Variants in NEGR1 observed in about 807,000 individuals in gnomAD.
NEGR1 encodes the protein IgLON family member 4.
In NEGR1, 10 loss-of-function variants were observed where a neutral mutation model predicts 40.9. The ratio of observed to expected loss-of-function variants is 0.24; its 90% confidence interval spans 0.15 to 0.42. The LOEUF is 0.42. Ranked by LOEUF, NEGR1 falls within the 10% of genes least tolerant of loss-of-function variation. NEGR1 has a pLI of 1.00. For synonymous variants in NEGR1, 185 were observed against 166.8 expected (o/e 1.11, Z -0.84); for missense variants, 352 against 438.9 (o/e 0.80, Z 1.77).
chr1:71,574,805 C>T (rs1316805053), intron 6 of NEGR1, among the ~76,000 whole-genome samples: 1 of 152,152 alleles, frequency 6.6e-6, no homozygotes, highest in Non-Finnish European at 1.5e-5. Context: ...TGCATATGTT[C>T]TGTGTATATA....
intron 5 of NEGR1, among the ~76,000 whole-genome samples, chr1:71,597,472 C>CTCTGTGTGTGTG (rs756076229): frequency 0.11 from 3,508 of 31,438 alleles, 605 homozygotes; most frequent in East Asian, 0.37. Context: ...CTCTCTCTCT[C>CTCTGTGTGTGTG]TGTGTGTGTG....
chr1:72,081,820 C>A (rs1313568766), intron 1 of NEGR1, among the ~76,000 whole-genome samples: 1 of 152,054 alleles, frequency 6.6e-6, no homozygotes, highest in Non-Finnish European at 1.5e-5. Context: ...TTCACTATAT[C>A]ACTGTTAGGT....
chr1:71,867,150 T>TTG (rs1417035638), intron 2 of NEGR1, among the ~76,000 whole-genome samples: 1 of 152,070 alleles, frequency 6.6e-6, no homozygotes, highest in Non-Finnish European at 1.5e-5. Flanking sequence ...GTCAGGAGTT[T>TTG]GAGACTTGAG....
chr1:71,813,475 CA>C (rs1658080017), intron 2 of NEGR1, among the ~76,000 whole-genome samples: 1 of 151,936 alleles, frequency 6.6e-6, no homozygotes. Context: ...TGAAGAATGT[CA>C]ATGGTAGTTT....
At chr1:72,005,707 T>C (rs1646600688) in intron 1 of NEGR1, among the ~76,000 whole-genome samples, 1 of 152,108 alleles carries the variant, frequency 6.6e-6, no homozygotes, top group Non-Finnish European at 1.5e-5. Flanking sequence ...ATTTAAATAG[T>C]AAGATCACCT....
chr1:71,568,803 TGTG>T (rs1407529797), intron 6 of NEGR1, among the ~76,000 whole-genome samples: 2 of 22,898 alleles, frequency 8.7e-5, no homozygotes, highest in East Asian at 3.8e-4. Context: ...TTTATATGTA[TGTG>T]TGTGTATGTG....
At chr1:71,628,915 T>C (rs955693062) in intron 4 of NEGR1, among the ~76,000 whole-genome samples, 1 of 152,146 alleles carries the variant, frequency 6.6e-6, no homozygotes, top group African/African-American at 2.4e-5. Flanking sequence ...TTTATAATCA[T>C]TTGGGTATAC....
chr1:71,531,992 T>G (rs116041446), intron 6 of NEGR1, among the ~76,000 whole-genome samples: 1 of 151,560 alleles, frequency 6.6e-6, no homozygotes, highest in Non-Finnish European at 1.5e-5. Flanking sequence ...GTGCCATTTC[T>G]GGAATGAGAG....
intron 4 of NEGR1, among the ~76,000 whole-genome samples, chr1:71,661,524 A>G (rs1046278649): frequency 4.6e-5 from 7 of 152,160 alleles, no homozygotes; most frequent in African/African-American, 7.2e-5. Flanking sequence ...ATGTAATAGA[A>G]ATTTTTACAA....
chr1:71,438,968 A>ATTTTTTTTTTTTTT (rs1646528430), intron 6 of NEGR1, among the ~76,000 whole-genome samples: 1 of 152,182 alleles, frequency 6.6e-6, no homozygotes, highest in African/African-American at 2.4e-5. Flanking sequence ...TGACTGAAGC[A>ATTTTTTTTTTTTTT]TATTCTTTTT....
rs563212067 is a variant in NEGR1, at chr1:71,686,087, G to A, written c.667+11921C>T. Among the ~76,000 whole-genome samples the A allele has an allele frequency of 2.6e-3, 397 of 152,088 alleles. 3 individuals are homozygous for A. Among genetic ancestry groups the A allele is most frequent in the Non-Finnish European group, 4.5e-3 (306 of 68,004 alleles). ...AAATTTGCAAACAGAAATTTGGTAG[G>A]CTATACTTCATATAGGAGGAAAGAA... On this transcript the variant is annotated intron_variant, in intron 4 of 6. Coordinates refer to ENST00000357731, the MANE Select transcript of NEGR1 (RefSeq NM_173808.3).
chr1:71,645,535 C>T (rs149528337), intron 4 of NEGR1, among the ~76,000 whole-genome samples: 1 of 151,184 alleles, frequency 6.6e-6, no homozygotes, highest in Non-Finnish European at 1.5e-5. Flanking sequence ...GAAAAAAAAT[C>T]TTCTCTCAAT....
intron 1 of NEGR1, among the ~76,000 whole-genome samples, chr1:71,946,446 C>T (rs561787885): frequency 5.9e-4 from 90 of 152,186 alleles, no homozygotes; most frequent in African/African-American, 2.1e-3. Context: ...ATCAATATTG[C>T]TATTTTAAAA....
At chr1:71,933,060 T>G (rs1264609152) in intron 2 of NEGR1, among the ~76,000 whole-genome samples, 2 of 152,062 alleles carry the variant, frequency 1.3e-5, no homozygotes, top group African/African-American at 4.8e-5. Flanking sequence ...AATCTTATAC[T>G]TTCAAAACAG....
intron 1 of NEGR1, among the ~76,000 whole-genome samples, chr1:72,228,728 G>A (rs1003146191): frequency 6.6e-6 from 1 of 152,018 alleles, no homozygotes. Flanking sequence ...ACTTTTGAAT[G>A]GTAATGTGCT....
chr1:72,142,298 A>G (rs1650709991), intron 1 of NEGR1, among the ~76,000 whole-genome samples: 1 of 151,988 alleles, frequency 6.6e-6, no homozygotes, highest in Non-Finnish European at 1.5e-5. Flanking sequence ...TCTGAGACAC[A>G]TGCAAATAAA....
intron 6 of NEGR1, among the ~76,000 whole-genome samples, chr1:71,502,733 A>G (rs1235610330): frequency 1.3e-5 from 2 of 152,154 alleles, no homozygotes; most frequent in African/African-American, 2.4e-5. Flanking sequence ...CAACCAGGCA[A>G]CCTCGTGCAT....
chr1:71,581,421 C>T (rs572660804), intron 6 of NEGR1, among the ~76,000 whole-genome samples: 7 of 152,166 alleles, frequency 4.6e-5, no homozygotes, highest in African/African-American at 1.7e-4. Context: ...AACTATTCTC[C>T]GATTCAGCAA....
At chr1:71,514,485 G>T (rs1454107992) in intron 6 of NEGR1, among the ~76,000 whole-genome samples, 1 of 69,140 alleles carries the variant, frequency 1.4e-5, no homozygotes, top group Non-Finnish European at 2.8e-5. Flanking sequence ...ACACAGCAGG[G>T]TATTCCAACA....
Sources: allele counts gnomAD v4.1 joint callset (sites outside exome capture counted in the v4.1 genomes callset), GRCh38; gene constraint gnomAD v4.1.1; transcripts MANE v1.5; gene names NCBI Gene and HGNC (gene_info 2026-07-23, HGNC 2026-07-21).